Variants in SNX29 observed in about 807,000 individuals in gnomAD.
SNX29 encodes sorting nexin 29, also known as sorting nexin-29.
SNX29 carries 78 observed loss-of-function variants against 102.1 expected under a neutral mutation model. The observed-to-expected ratio is 0.76, with a 90% confidence interval of 0.64 to 0.92. The LOEUF is 0.92. Among genes scored for constraint, SNX29 ranks in the 40% least tolerant of loss-of-function variants. SNX29 has a pLI of 0.00. For synonymous variants in SNX29, 580 were observed against 414.5 expected, an observed-to-expected ratio of 1.40 and a Z score of -4.85; for missense variants, 1,280 against 1,061.7, an observed-to-expected ratio of 1.21 and a Z score of -2.86.
At chr16:12,565,649 C>A (rs187278132) in intron 20 of SNX29, among the ~76,000 whole-genome samples, 1 of 152,224 alleles carries the variant, frequency 6.6e-6, no homozygotes, top group Non-Finnish European at 1.5e-5. Flanking sequence ...CATATAGCCT[C>A]GTGACAGCTC....
At chr16:12,355,188 A>G (rs1325679648) in intron 15 of SNX29, among the ~76,000 whole-genome samples, 1 of 152,210 alleles carries the variant, frequency 6.6e-6, no homozygotes. Context: ...GCTATCATTC[A>G]TATCTTGGCG....
At chr16:12,540,839 G>C (rs138673201) in intron 20 of SNX29, among the ~76,000 whole-genome samples, 1 of 152,184 alleles carries the variant, frequency 6.6e-6, no homozygotes, top group African/African-American at 2.4e-5. Context: ...AAACAAGATC[G>C]CCTCCACCCT....
chr16:12,068,919 A>G (rs948745976), intron 9 of SNX29, 138 bp from the exon 10 acceptor site: 34 of 699,316 alleles, frequency 4.9e-5, no homozygotes, highest in Non-Finnish European at 7.3e-5. Flanking sequence ...ATTAAAATCC[A>G]GCTTGCAGGA....
At chr16:12,395,629 G>A (rs183830901) in intron 16 of SNX29, among the ~76,000 whole-genome samples, 14 of 152,298 alleles carry the variant, frequency 9.2e-5, no homozygotes, top group Admixed American at 6.5e-4. Flanking sequence ...GTTGCTGATG[G>A]CTGGTTTGTG....
intron 13 of SNX29, among the ~76,000 whole-genome samples, chr16:12,184,051 C>T (rs2076454869): frequency 6.6e-6 from 1 of 152,218 alleles, no homozygotes. Context: ...AGTAGCCATG[C>T]TTTTATTCCT....
chr16:12,129,486 CAT>C (rs1216341085), intron 12 of SNX29, 142 bp from the exon 13 acceptor site: 32 of 1,097,790 alleles, frequency 2.9e-5, no homozygotes, highest in Middle Eastern at 6.5e-4. Flanking sequence ...CTCCAGTTCA[CAT>C]GAGATAGACT....
chr16:12,085,276 C>T (rs1372046299), intron 11 of SNX29, among the ~76,000 whole-genome samples: 6 of 152,084 alleles, frequency 3.9e-5, no homozygotes, highest in African/African-American at 9.7e-5. Context: ...ACAGCAGGTC[C>T]GAGGAGAGTG....
chr16:12,520,421 G>T (rs1221279040), intron 19 of SNX29, among the ~76,000 whole-genome samples: 3 of 152,182 alleles, frequency 2.0e-5, no homozygotes, highest in Non-Finnish European at 4.4e-5. Context: ...CTGATGGAAG[G>T]CCCTGCTCAG....
At chr16:12,003,094 A>C (rs929918835) in intron 3 of SNX29, 51 bp downstream of exon 3, 1 of 1,607,354 alleles carries the variant, frequency 6.2e-7, no homozygotes, top group Middle Eastern at 1.7e-4. Flanking sequence ...GAAAGGCGGC[A>C]GAAGGTGGCC....
chr16:12,436,793 A>C (rs1012361608), intron 18 of SNX29, among the ~76,000 whole-genome samples: 1 of 152,228 alleles, frequency 6.6e-6, no homozygotes, highest in Non-Finnish European at 1.5e-5. Flanking sequence ...AGCTGGGATT[A>C]CAGGTGCCTG....
intron 20 of SNX29, among the ~76,000 whole-genome samples, chr16:12,540,507 A>G (rs1022960938): frequency 3.3e-5 from 5 of 152,134 alleles, no homozygotes; most frequent in South Asian, 2.1e-4. Flanking sequence ...CGCCTTCTCG[A>G]GGTTGTGGGG....
At chr16:12,248,351 C>T (rs989756597) in intron 14 of SNX29, among the ~76,000 whole-genome samples, 25 of 152,014 alleles carry the variant, frequency 1.6e-4, no homozygotes, top group African/African-American at 2.2e-4. Context: ...TCTTCCTCTC[C>T]ATCTTTACAT....
intron 10 of SNX29, 22 bp downstream of exon 10, chr16:12,069,154 T>G: frequency 3.8e-6 from 6 of 1,594,160 alleles, no homozygotes; most frequent in Non-Finnish European, 5.1e-6. Context: ...GAAACCCAGT[T>G]GCCTGTGGCA....
At chr16:12,563,447 AT>A (rs2078844886) in intron 20 of SNX29, among the ~76,000 whole-genome samples, 1 of 152,246 alleles carries the variant, frequency 6.6e-6, no homozygotes, top group African/African-American at 2.4e-5. Context: ...TTGCAGGTAA[AT>A]TTAGGAAACC....
chr16:12,312,241 T>A (rs531501423), intron 15 of SNX29, among the ~76,000 whole-genome samples: 1 of 152,306 alleles, frequency 6.6e-6, no homozygotes, highest in African/African-American at 2.4e-5. Flanking sequence ...AATGTCCCCA[T>A]CCCAGCCCCC....
At chr16:12,304,562 A>G (rs1254958383) in intron 15 of SNX29, among the ~76,000 whole-genome samples, 1 of 152,222 alleles carries the variant, frequency 6.6e-6, no homozygotes, top group Non-Finnish European at 1.5e-5. Context: ...CTGAGCATGT[A>G]AATGTCTTTG....
chr16:12,251,618 G>A (rs1268225332), intron 14 of SNX29, among the ~76,000 whole-genome samples: 3 of 152,182 alleles, frequency 2.0e-5, no homozygotes, highest in Non-Finnish European at 4.4e-5. Flanking sequence ...CAGGAGAATT[G>A]CTTGAACCTG....
chr16:12,122,573 G>C (rs1289724983), intron 11 of SNX29, among the ~76,000 whole-genome samples: 1 of 152,164 alleles, frequency 6.6e-6, no homozygotes, highest in African/African-American at 2.4e-5. Flanking sequence ...AAGACACAGA[G>C]GCACGAGAGA....
At chr16:11,982,423 GTTTTTTT>G (rs60761477) in intron 1 of SNX29, among the ~76,000 whole-genome samples, 1 of 120,354 alleles carries the variant, frequency 8.3e-6, no homozygotes, top group Admixed American at 9.5e-5. Context: ...CTTTCCATCA[GTTTTTTT>G]TTTTTTTTTT....
Sources: gnomAD v4.1 joint callset for allele counts (sites outside exome capture counted in the v4.1 genomes callset) on GRCh38, gnomAD v4.1.1 for gene constraint, MANE v1.5 for transcripts, NCBI Gene and HGNC (gene_info 2026-07-23, HGNC 2026-07-21) for gene names.